Variants in ABCB9 observed in about 807,000 individuals in gnomAD.
ABCB9 encodes ABC-type oligopeptide transporter ABCB9.
A neutral mutation model predicts 62.0 loss-of-function variants in ABCB9; 36 were observed. That is an observed-to-expected ratio of 0.58 (90% CI 0.45 to 0.77). ABCB9 has a LOEUF of 0.77. Among genes scored for constraint, ABCB9 ranks in the 30% least tolerant of loss-of-function variants. The probability of loss-of-function intolerance (pLI) is 0.00; values close to 1 mark genes in which losing one functional copy is unlikely to be tolerated. For synonymous variants in ABCB9, 435 were observed against 461.4 expected (o/e 0.94, Z 0.73); for missense variants, 943 against 1,054.7 (o/e 0.89, Z 1.47).
chr12:122,959,549 T>G lies in ABCB9; in HGVS notation c.601+86A>C. The G allele has an allele frequency of 6.7e-7, 1 of 1,502,994 alleles. No individual in the cohort carries two copies. Among genetic ancestry groups the G allele is most frequent in the Non-Finnish European group, 8.9e-7 (1 of 1,125,134 alleles). The allele number at this position is 1,502,994 out of a possible 1,614,324, so 93.1% of individuals were successfully genotyped here. A position where few individuals can be genotyped will look rare whatever the true frequency, so the allele number is the denominator to read the frequency against. The stretch of plus-strand genomic sequence containing the variant: ...ATATCAATTTGATGTCTGAACCACG[T>G]AAGTAAAATCTTTTAAAATCTAAGG... On this transcript the variant is annotated intron_variant, in intron 2 of 11. Coordinates refer to ENST00000280560, the MANE Select transcript of ABCB9 (RefSeq NM_019625.4). The surrounding 1 kb of genome is among the most constrained non-coding windows in gnomAD (Gnocchi z 5.4).
chr12:122,919,510 G>C (rs995986711), downstream of ABCB9, among the ~76,000 whole-genome samples: 4 of 152,048 alleles, frequency 2.6e-5, no homozygotes, highest in African/African-American at 9.7e-5. Flanking sequence ...GACTGTGGTT[G>C]GGATCATTCT....
intron 10 of ABCB9, among the ~76,000 whole-genome samples, chr12:122,934,831 A>T (rs2035373838): frequency 6.6e-6 from 1 of 151,424 alleles, no homozygotes; most frequent in Non-Finnish European, 1.5e-5. Flanking sequence ...TAATAGGAAA[A>T]AAAAAACCCA....
In ABCB9 at chr12:122,940,709, A is replaced by G; in HGVS notation, c.1569+98T>C. The G allele has an allele frequency of 2.1e-6, 3 of 1,402,074 alleles. No individual in the cohort carries two copies. Among genetic ancestry groups the G allele is most frequent in the Non-Finnish European group, 2.8e-6 (3 of 1,055,654 alleles). The allele number at this position is 1,402,074 out of a possible 1,614,324, so 86.9% of individuals were successfully genotyped here. On this transcript the variant is annotated intron_variant, in intron 8 of 11. Transcript: ENST00000280560. This position sits in a 1 kb window ranked among gnomAD's most constrained non-coding sequence, Gnocchi z 4.8. ...GGAGGGCAATGATCTTGCCTGACAT[A>G]TTCCCAGCTGCCCTGCCACAGCCTG...
chr12:122,962,409 T>A (rs1236318748), intron 1 of ABCB9, among the ~76,000 whole-genome samples: 1 of 152,154 alleles, frequency 6.6e-6, no homozygotes, highest in Non-Finnish European at 1.5e-5. Context: ...CGGGGATGAC[T>A]GTCGTGGCTG....
intron 3 of ABCB9, 67 bp from the exon 4 acceptor site, chr12:122,949,985 C>A: frequency 1.3e-6 from 2 of 1,597,352 alleles, no homozygotes; most frequent in Non-Finnish European, 1.7e-6. Flanking sequence ...CCGGCTGCCC[C>A]CTCCCGCTGC....
chr12:122,967,821 A>G (rs1159535515), upstream of ABCB9, among the ~76,000 whole-genome samples: 2 of 152,178 alleles, frequency 1.3e-5, no homozygotes, highest in African/African-American at 4.8e-5. Context: ...CACTCTCTGA[A>G]TTGGAAATGT....
Position 122,932,615 on chromosome 12 carries a change from T to C in ABCB9, c.1904-287A>G, listed in dbSNP as rs1025125881. Among the ~76,000 whole-genome samples, 1 of 152,216 alleles carries C rather than the reference T, an allele frequency of 6.6e-6. No individual in the cohort carries two copies. Among genetic ancestry groups the C allele is most frequent in the Non-Finnish European group, 1.5e-5 (1 of 68,040 alleles). On this transcript the variant is annotated intron_variant, in intron 10 of 11. Coordinates refer to ENST00000280560, the MANE Select transcript of ABCB9 (RefSeq NM_019625.4). This position sits in a 1 kb window ranked among gnomAD's most constrained non-coding sequence, Gnocchi z 4.7. ...CTGCAGGGAGACAGGCCCTCACCCGTCCTCCTGGAGAAGGGGAGTTGGAGC... is the reference window on the plus strand; with the variant it reads ...CTGCAGGGAGACAGGCCCTCACCCGCCCTCCTGGAGAAGGGGAGTTGGAGC...
At chr12:122,968,130 T>C (rs2037227609), upstream of ABCB9, among the ~76,000 whole-genome samples, 1 of 152,032 alleles carries the variant, frequency 6.6e-6, no homozygotes, top group South Asian at 2.1e-4. Flanking sequence ...CTCCTAAATG[T>C]ATTGAGTAAA....
downstream of ABCB9, chr12:122,924,560 C>G (rs2034836999): frequency 1.0e-5 from 13 of 1,297,676 alleles, no homozygotes; most frequent in Middle Eastern, 6.0e-4. Flanking sequence ...GTTTACTGAG[C>G]ACATACTATG....
chr12:122,932,247 G>T lies in ABCB9; in HGVS notation c.1985C>A (p.Pro662Gln). The T allele has an allele frequency of 6.4e-7, 1 of 1,551,988 alleles. No homozygotes were observed. The highest frequency in any genetic ancestry group is 1.2e-5 in the South Asian group (1 of 84,070). The change falls in exon 11 of 12, where the codon CCA becomes CAA. Residue 662 changes from proline (P) to glutamine (Q), a missense_variant. Coordinates refer to ENST00000280560, the MANE Select transcript of ABCB9 (RefSeq NM_019625.4). This position sits in a 1 kb window ranked among gnomAD's most constrained non-coding sequence, Gnocchi z 4.7. The part of the protein sequence containing the change: ...AMARALVRNP[P>Q]VLILDEATSA... ...GGTGGCTTCATCCAGGATGAGGACTGGGGGGTTCCGCACCAGAGCCCGGGC... is the reference window on the plus strand; with the variant it reads ...GGTGGCTTCATCCAGGATGAGGACTTGGGGGTTCCGCACCAGAGCCCGGGC...
chr12:122,942,656 T>C (rs373300281), intron 7 of ABCB9, among the ~76,000 whole-genome samples: 13 of 149,992 alleles, frequency 8.7e-5, no homozygotes, highest in African/African-American at 3.2e-4. Context: ...AGAAAAACAT[T>C]AGCTGGGTGT....
chr12:122,931,849 G>A (rs2035184875), intron 11 of ABCB9: 1 of 319,886 alleles, frequency 3.1e-6, no homozygotes. Flanking sequence ...TCACCATGTT[G>A]GCCAGGCTGG....
At position 122,946,119 on chromosome 12, in the gene ABCB9, T is replaced by G; in HGVS notation, c.1157A>C (p.Glu386Ala). 6.2e-7 allele frequency: 1 copy of G among 1,614,066 alleles called. No individual in the cohort carries two copies. The highest frequency in any genetic ancestry group is 8.5e-7 in the Non-Finnish European group (1 of 1,180,026). ...KTVRSFANEE[E>A]EAEVYLRKLQ... The stretch of plus-strand genomic sequence containing the variant: ...CTTCCGCAGGTACACCTCTGCCTCC[T>G]CCTCCTCATTGGCGAAGCTCCGGAC... The change falls in exon 6 of 12, where the codon GAG (glutamate) becomes GCG (alanine). Residue 386 changes from glutamate to alanine, a missense_variant. Transcript: ENST00000280560.
chr12:122,924,299 G>A (rs2034829788), downstream of ABCB9, among the ~76,000 whole-genome samples: 1 of 152,194 alleles, frequency 6.6e-6, no homozygotes, highest in South Asian at 2.1e-4. Flanking sequence ...GTTAAATGAG[G>A]TGATTGGACT....
At chr12:122,972,057 T>G (rs973271879) in intron 1 of ABCB9, among the ~76,000 whole-genome samples, 2 of 147,822 alleles carry the variant, frequency 1.4e-5, no homozygotes, top group Non-Finnish European at 3.0e-5. Flanking sequence ...TTTTTTTTTT[T>G]TTGTTGAGAC....
At chr12:122,949,455 A>C in intron 4 of ABCB9, 1 of 254,374 alleles carries the variant, frequency 3.9e-6, no homozygotes, top group Non-Finnish European at 7.7e-6. Flanking sequence ...GCTGACCCCC[A>C]TGGGAGCAGG....
Position 122,932,163 on chromosome 12 carries a change from C to G in ABCB9, c.2040+29G>C. The stretch of plus-strand genomic sequence containing the variant: ...CTGGCCACCTGGAGCCGCTCCTGCC[C>G]CCGCATTGCCCACCACCCTGTGACT... On this transcript the variant is annotated intron_variant, in intron 11 of 11. Coordinates refer to ENST00000280560, the MANE Select transcript of ABCB9 (RefSeq NM_019625.4). The surrounding 1 kb of genome is among the most constrained non-coding windows in gnomAD (Gnocchi z 4.7). 6.4e-7 allele frequency: 1 copy of G among 1,551,100 alleles called. No individual in the cohort carries two copies. Among genetic ancestry groups the G allele is most frequent in the Non-Finnish European group, 8.7e-7 (1 of 1,147,288 alleles).
At chr12:122,945,957 TC>T (rs1010753429) in intron 6 of ABCB9, 67 bp downstream of exon 6, 38 of 1,515,980 alleles carry the variant, frequency 2.5e-5, no homozygotes, top group Non-Finnish European at 3.2e-5. Flanking sequence ...ATGTCCTAGA[TC>T]GAGGGCTTCC....
At chr12:122,954,915 G>A (rs1334978976) in intron 2 of ABCB9, among the ~76,000 whole-genome samples, 1 of 152,146 alleles carries the variant, frequency 6.6e-6, no homozygotes, top group Non-Finnish European at 1.5e-5. Context: ...GAAAAGCTGG[G>A]CACTGCTGAA....
Sources: allele counts gnomAD v4.1 joint callset (sites outside exome capture counted in the v4.1 genomes callset), GRCh38; gene constraint gnomAD v4.1.1; non-coding constraint Gnocchi (gnomAD v3.1); transcripts MANE v1.5; gene names NCBI Gene and HGNC (gene_info 2026-07-23, HGNC 2026-07-21).